The following SLC36A3 variants were observed in gnomAD, a reference collection of about 807,000 sequenced individuals.
SLC36A3 encodes the protein solute carrier family 36 member 3.
Under a neutral mutation model 44.3 loss-of-function variants are expected in SLC36A3, and 35 were observed. The ratio of observed to expected loss-of-function variants is 0.79; its 90% CI spans 0.60 to 1.05. The LOEUF (loss-of-function observed/expected upper bound fraction) is 1.05, where lower values mean the gene tolerates loss of function less well. SLC36A3 is among the 50% of genes least tolerant of loss of function. The pLI, the probability that SLC36A3 is intolerant of heterozygous loss-of-function variation, is 0.00. For synonymous variants in SLC36A3, 211 were observed against 227.6 expected, an observed-to-expected ratio of 0.93 and a Z score of 0.66; for missense variants, 540 against 578.7, an observed-to-expected ratio of 0.93 and a Z score of 0.69.
At chr5:151,285,893 T>G (rs1199331163) in intron 6 of SLC36A3, among the ~76,000 whole-genome samples, 1 of 152,144 alleles carries the variant, frequency 6.6e-6, no homozygotes, top group African/African-American at 2.4e-5. Flanking sequence ...GATTCTCCCC[T>G]GGAATCCAGA....
At position 151,281,057 on chromosome 5, in the gene SLC36A3, C is replaced by G; in HGVS notation, c.1101G>C (p.Leu367=). ...CTGAGCGGACAGACAGGTCTACAAA[C>G]AGTGCCCAGCTCTCTGACACTTGGG... is the stretch of plus-strand genomic sequence containing the variant. The part of the protein sequence containing the change: ...AISQVSESWA[L]FVDLSVRSAL... The change falls in exon 9 of 10, where the codon CTG becomes CTC. Residue 367 remains leucine, a synonymous_variant. Coordinates refer to ENST00000335230, the MANE Select transcript of SLC36A3 (RefSeq NM_181774.4). The G allele has an allele frequency of 6.2e-7, 1 of 1,614,184 alleles. No homozygotes were observed. The highest frequency in any genetic ancestry group is 8.5e-7 in the Non-Finnish European group (1 of 1,180,030).
At chr5:151,288,555 A>AT in intron 4 of SLC36A3, 85 bp from the exon 5 acceptor site, 1 of 1,063,926 alleles carries the variant, frequency 9.4e-7, no homozygotes, top group South Asian at 2.2e-5. Flanking sequence ...TGAAACAATT[A>AT]TTTTTGTTAT....
At chr5:151,290,284 T>A (rs886181606) in intron 4 of SLC36A3, among the ~76,000 whole-genome samples, 4 of 152,232 alleles carry the variant, frequency 2.6e-5, no homozygotes, top group African/African-American at 7.2e-5. Context: ...TTGAGGCCTA[T>A]GTTAAAAATA....
chr5:151,297,249 G>A (rs987947773), intron 2 of SLC36A3: 6 of 152,220 alleles, frequency 3.9e-5, no homozygotes, highest in African/African-American at 9.7e-5. Context: ...ATCATCTAAT[G>A]ACTCTGAGGA....
In SLC36A3 at chr5:151,303,225, A is replaced by G. The variant is rs1755225545; in HGVS notation, c.128+2T>C. 18 of 1,611,842 alleles carry G rather than the reference A, an allele frequency of 1.1e-5. No individual in the cohort carries two copies. The South Asian group carries it at 1.9e-4, about 17-fold the overall frequency. The stretch of plus-strand genomic sequence containing the variant: ...GCCTGGAAGGGCGGTGCGGCCACTT[A>G]CGATAGTCCAGCTTCTCCAGCAGGA... On this transcript the variant is annotated splice_donor_variant, in intron 1 of 9. Coordinates refer to ENST00000335230, the MANE Select transcript of SLC36A3 (RefSeq NM_181774.4). LOFTEE classifies it high-confidence loss of function.
intron 5 of SLC36A3, among the ~76,000 whole-genome samples, chr5:151,287,949 A>T (rs964466831): frequency 6.6e-6 from 1 of 152,196 alleles, no homozygotes; most frequent in African/African-American, 2.4e-5. Context: ...GTGCGCAAAA[A>T]CAAGGATGCT....
intron 7 of SLC36A3, 140 bp from the exon 8 acceptor site, chr5:151,284,350 A>C (rs1379713231): frequency 1.2e-6 from 1 of 828,220 alleles, no homozygotes; most frequent in African/African-American, 1.7e-5. Flanking sequence ...ACATGGCCAC[A>C]CTCCTTTCAT....
intron 2 of SLC36A3, 185 bp downstream of exon 2, chr5:151,298,408 G>C: frequency 1.7e-6 from 1 of 591,900 alleles, no homozygotes; most frequent in African/African-American, 1.9e-5. Flanking sequence ...GTAATGGTGT[G>C]CCCCCTTCAG....
At chr5:151,299,973 G>T (rs10075811) in intron 1 of SLC36A3, among the ~76,000 whole-genome samples, 1 of 152,226 alleles carries the variant, frequency 6.6e-6, no homozygotes, top group South Asian at 2.1e-4. Context: ...GTTAGAAAGC[G>T]CATCCTTCAA....
At chr5:151,293,254 T>C in intron 4 of SLC36A3, 110 bp downstream of exon 4, 1 of 914,508 alleles carries the variant, frequency 1.1e-6, no homozygotes. Flanking sequence ...CTCTCTATTG[T>C]TTGATAGTTT....
chr5:151,289,650 G>A (rs1754683525), intron 4 of SLC36A3, among the ~76,000 whole-genome samples: 1 of 151,896 alleles, frequency 6.6e-6, no homozygotes, highest in Non-Finnish European at 1.5e-5. Context: ...CATCACACTG[G>A]CTTTGTTTGA....
chr5:151,301,471 A>G (rs1044334247), intron 1 of SLC36A3, among the ~76,000 whole-genome samples: 2 of 152,044 alleles, frequency 1.3e-5, no homozygotes, highest in South Asian at 4.1e-4. Context: ...ATCTGGCTCA[A>G]CCAGTTCTGC....
intron 1 of SLC36A3, 141 bp downstream of exon 1, chr5:151,303,086 C>T (rs940474921): frequency 3.5e-6 from 4 of 1,140,520 alleles, no homozygotes; most frequent in African/African-American, 3.1e-5. Context: ...TCCTTAGATT[C>T]TGAAGGTTTC....
At chr5:151,281,923 A>G (rs1754331953) in intron 8 of SLC36A3, among the ~76,000 whole-genome samples, 1 of 152,138 alleles carries the variant, frequency 6.6e-6, no homozygotes, top group Non-Finnish European at 1.5e-5. Flanking sequence ...CCTAGCTTCT[A>G]GTTTCCCTTT....
chr5:151,294,005 T>C (rs762800567), intron 3 of SLC36A3, among the ~76,000 whole-genome samples: 10 of 152,226 alleles, frequency 6.6e-5, no homozygotes, highest in Non-Finnish European at 1.3e-4. Flanking sequence ...GAAACACCTT[T>C]GGCTGGAGCA....
At position 151,284,091 on chromosome 5, in the gene SLC36A3, A is replaced by G. The variant is rs749875145; in HGVS notation, c.927T>C (p.Phe309=). 3.0e-5 allele frequency: 48 copies of G among 1,614,002 alleles called. No individual in the cohort carries two copies. The highest frequency in any genetic ancestry group is 1.6e-4 in the Middle Eastern group (1 of 6,084). ...TGATGCTGGCCTGGGTGTCTGACCCAAACTTCATGTAGCCCAGTGTCCCCA... is the reference window on the plus strand; with the variant it reads ...TGATGCTGGCCTGGGTGTCTGACCCGAACTTCATGTAGCCCAGTGTCCCCA... ...ILLGTLGYMK[F]GSDTQASITL... The change falls in exon 8 of 10, where the codon TTT becomes TTC. Residue 309 remains phenylalanine (F), a synonymous_variant. Coordinates refer to ENST00000335230, the MANE Select transcript of SLC36A3 (RefSeq NM_181774.4).
chr5:151,290,934 A>T (rs1294806435), intron 4 of SLC36A3, among the ~76,000 whole-genome samples: 1 of 152,060 alleles, frequency 6.6e-6, no homozygotes, highest in Non-Finnish European at 1.5e-5. Context: ...TAATAACTTT[A>T]AAAAGTATAA....
rs1754145104 is a variant in SLC36A3 at position 151,277,640 on chromosome 5, G to C, written c.1166C>G (p.Pro389Arg). The C allele has an allele frequency of 6.2e-7, 1 of 1,614,112 alleles. No homozygotes were observed. ...CLTCVSAILIPRLDLVISLVG... is the reference protein window; with the variant it reads ...CLTCVSAILIRRLDLVISLVG... ...CAGGGAGATGACCAAGTCCAGGCGG[G>C]GGATGAGGATGGCTGAGACACCTGC... is the stretch of plus-strand genomic sequence containing the variant. The change falls in exon 10 of 10, where the codon CCC (proline) becomes CGC (arginine). Residue 389 changes from proline to arginine, a missense_variant. Transcript: ENST00000335230.
chr5:151,300,675 C>G (rs1755139739), intron 1 of SLC36A3, among the ~76,000 whole-genome samples: 1 of 152,112 alleles, frequency 6.6e-6, no homozygotes, highest in African/African-American at 2.4e-5. Flanking sequence ...CAGCATTTAC[C>G]CATCTGGACC....
Sources: allele counts gnomAD v4.1 joint callset (sites outside exome capture counted in the v4.1 genomes callset), GRCh38; gene constraint gnomAD v4.1.1; transcripts MANE v1.5; gene names NCBI Gene and HGNC (gene_info 2026-07-23, HGNC 2026-07-21).